SLC4A4: variants seen among roughly 807,000 people sequenced by gnomAD.
The protein encoded by SLC4A4 is electrogenic sodium bicarbonate cotransporter 1.
Under a neutral mutation model 111.5 loss-of-function variants are expected in SLC4A4, and 27 were observed. The observed-to-expected ratio is 0.24, with a 90% confidence interval of 0.18 to 0.33. The LOEUF is 0.33. Among genes scored for constraint, SLC4A4 ranks in the 10% least tolerant of loss-of-function variants. The pLI is 1.00. For missense variants in SLC4A4, 909 were observed against 1,315.5 expected, an observed-to-expected ratio of 0.69 and a Z score of 4.78; for synonymous variants, 443 against 463.4, an observed-to-expected ratio of 0.96 and a Z score of 0.57.
chr4:71,529,912 A>G (rs1005659346), intron 16 of SLC4A4, among the ~76,000 whole-genome samples: 1 of 152,108 alleles, frequency 6.6e-6, no homozygotes, highest in African/African-American at 2.4e-5. Context: ...TTTATGACCT[A>G]CTGGTCTAGA....
chr4:71,365,854 A>G (rs1731202076), intron 6 of SLC4A4, among the ~76,000 whole-genome samples: 1 of 152,238 alleles, frequency 6.6e-6, no homozygotes, highest in African/African-American at 2.4e-5. Flanking sequence ...AGTCAGAAAT[A>G]TAAATAACTT....
chr4:71,213,185 G>A (rs1202973637), intron 1 of SLC4A4, among the ~76,000 whole-genome samples: 1 of 152,206 alleles, frequency 6.6e-6, no homozygotes, highest in Non-Finnish European at 1.5e-5. Context: ...ACCAATGCAT[G>A]ACTGCATAAG....
rs189585792 is a variant in SLC4A4 at position 71,380,740 on chromosome 4, G to A, written c.731-16837G>A. ...TTGAGGTCACTCAGTTAGTTGGGGG[G>A]AACAGGGTTTGAACTTGGGGGTTTA... On this transcript the variant is annotated intron_variant, in intron 6 of 25. Coordinates refer to ENST00000264485, the MANE Select transcript of SLC4A4 (RefSeq NM_001098484.3). 5.3e-5 allele frequency among the ~76,000 whole-genome samples: 8 copies of A among 152,258 alleles called. No individual in the cohort carries two copies. In the South Asian group the frequency reaches 8.3e-4, roughly 16 times the overall value.
chr4:71,232,592 A>T (rs1185116669), intron 1 of SLC4A4, among the ~76,000 whole-genome samples: 2 of 152,018 alleles, frequency 1.3e-5, no homozygotes, highest in Admixed American at 6.6e-5. Flanking sequence ...GGAAAAAAAA[A>T]TTTCAGAGAT....
In SLC4A4 at chr4:71,249,654, C is replaced by T. The variant is rs62304066; in HGVS notation, c.74-5566C>T. On this transcript the variant is annotated intron_variant, in intron 2 of 25. Transcript: ENST00000264485. ...CTGTAATCCTAGCACTTTGGGAGGC[C>T]GAAGTGAGTGGATCACTTGAGGTCA... Among the ~76,000 whole-genome samples the T allele has an allele frequency of 9.7e-3, 1,475 of 152,100 alleles. 13 individuals are homozygous for T. Among genetic ancestry groups the T allele is most frequent in the East Asian group, 0.019 (97 of 5,168 alleles).
intron 3 of SLC4A4, among the ~76,000 whole-genome samples, chr4:71,311,649 A>G (rs1234151835): frequency 6.6e-6 from 1 of 152,178 alleles, no homozygotes; most frequent in East Asian, 1.9e-4. Flanking sequence ...GAACAAAGAC[A>G]AAACATACTG....
intron 2 of SLC4A4, among the ~76,000 whole-genome samples, chr4:71,127,946 A>C (rs1743602663): frequency 6.6e-6 from 1 of 152,150 alleles, no homozygotes; most frequent in Non-Finnish European, 1.5e-5. Context: ...AACGTGATGA[A>C]ACCCAGTGGT....
In SLC4A4 at chr4:71,193,624, T is replaced by A. The variant is rs978955388; in HGVS notation, c.-2+6223T>A. Among the ~76,000 whole-genome samples the A allele has an allele frequency of 7.9e-5, 12 of 152,350 alleles. 1 individual carries two copies. Among genetic ancestry groups the A allele is most frequent in the East Asian group, 7.7e-4 (4 of 5,178 alleles). ...AAAGGGGTTTTGTATGTCTTTTTTTTAAAACCATTCTATCGGATGTATAGT... is the reference window on the plus strand; with the variant it reads ...AAAGGGGTTTTGTATGTCTTTTTTTAAAAACCATTCTATCGGATGTATAGT... On this transcript the variant is annotated intron_variant, in intron 1 of 25. Coordinates refer to ENST00000264485, the MANE Select transcript of SLC4A4 (RefSeq NM_001098484.3).
At chr4:71,445,368 C>T (rs1323541782) in intron 8 of SLC4A4, among the ~76,000 whole-genome samples, 1 of 152,006 alleles carries the variant, frequency 6.6e-6, no homozygotes, top group Non-Finnish European at 1.5e-5. Flanking sequence ...ATATAGTCAA[C>T]CTGATAATTA....
At chr4:71,184,369 C>G (rs1012835888), upstream of SLC4A4, among the ~76,000 whole-genome samples, 1 of 152,144 alleles carries the variant, frequency 6.6e-6, no homozygotes, top group Admixed American at 6.5e-5. Context: ...GACATTATGT[C>G]GTCATCACCT....
intron 16 of SLC4A4, among the ~76,000 whole-genome samples, chr4:71,502,840 G>T (rs202080964): frequency 6.6e-6 from 1 of 152,124 alleles, no homozygotes. Flanking sequence ...AGGTCTGTTA[G>T]GTCCATTTGA....
intron 7 of SLC4A4, among the ~76,000 whole-genome samples, chr4:71,421,062 C>A (rs372833673): frequency 6.9e-6 from 1 of 145,166 alleles, no homozygotes; most frequent in East Asian, 2.0e-4. Context: ...AGAGTCAAGA[C>A]CCATCAGTGT....
intron 2 of SLC4A4, among the ~76,000 whole-genome samples, chr4:71,246,392 A>G (rs1418986914): frequency 6.6e-6 from 1 of 152,134 alleles, no homozygotes; most frequent in Non-Finnish European, 1.5e-5. Flanking sequence ...TCTGCAGAGG[A>G]AAAGGAATTT....
intron 2 of SLC4A4, among the ~76,000 whole-genome samples, chr4:71,122,098 C>T (rs1040621730): frequency 3.3e-5 from 5 of 151,992 alleles, no homozygotes; most frequent in African/African-American, 1.2e-4. Context: ...GAACAAACTC[C>T]GGACACACCA....
intron 2 of SLC4A4, among the ~76,000 whole-genome samples, chr4:71,168,087 C>T (rs1744830656): frequency 6.6e-6 from 1 of 151,428 alleles, no homozygotes; most frequent in East Asian, 1.9e-4. Context: ...TTGATATAGG[C>T]ATGCAATGTG....
chr4:71,276,501 A>T (rs984293936), intron 3 of SLC4A4, among the ~76,000 whole-genome samples: 1 of 151,328 alleles, frequency 6.6e-6, no homozygotes, highest in Non-Finnish European at 1.5e-5. Context: ...TCTGTTTTCC[A>T]TCTTTGTAAT....
At chr4:71,163,882 C>T (rs917082515) in intron 2 of SLC4A4, among the ~76,000 whole-genome samples, 4 of 152,224 alleles carry the variant, frequency 2.6e-5, no homozygotes, top group Non-Finnish European at 4.4e-5. Flanking sequence ...AAACTAATTT[C>T]TTGTCCTATT....
intron 6 of SLC4A4, among the ~76,000 whole-genome samples, chr4:71,391,377 T>C (rs796823474): frequency 1.1e-4 from 17 of 152,220 alleles, no homozygotes; most frequent in African/African-American, 4.1e-4. Flanking sequence ...TTATGTGTCA[T>C]TGTATTACAT....
chr4:71,219,735 T>A (rs2262946), intron 1 of SLC4A4, among the ~76,000 whole-genome samples: 136,130 of 152,190 alleles, frequency 0.89, 61,753 homozygotes, highest in Non-Finnish European at 0.98. Flanking sequence ...CCAAAATATC[T>A]ACAGAAACAG....
Sources: gnomAD v4.1 joint callset for allele counts (sites outside exome capture counted in the v4.1 genomes callset) on GRCh38, gnomAD v4.1.1 for gene constraint, MANE v1.5 for transcripts, NCBI Gene and HGNC (gene_info 2026-07-23, HGNC 2026-07-21) for gene names.